Variants in POP1 observed in about 807,000 individuals in gnomAD.
POP1 encodes ribonucleases P/MRP protein subunit POP1.
POP1 carries 75 observed loss-of-function variants against 102.2 expected under a neutral mutation model. The observed-to-expected ratio is 0.73, with a 90% CI of 0.61 to 0.89. The LOEUF (loss-of-function observed/expected upper bound fraction) is 0.89. Ranked by LOEUF, POP1 falls within the 40% of genes least tolerant of loss-of-function variation. The pLI is 0.00. For synonymous variants in POP1, 436 were observed against 464.1 expected (o/e 0.94, Z 0.78); for missense variants, 1,116 against 1,267.4 (o/e 0.88, Z 1.81).
chr8:98,131,333 TA>T (rs1336840922), intron 5 of POP1, among the ~76,000 whole-genome samples: 1 of 152,226 alleles, frequency 6.6e-6, no homozygotes, highest in South Asian at 2.1e-4. Flanking sequence ...AGGTGCTTCA[TA>T]GGGGTGAAAT....
intron 11 of POP1, among the ~76,000 whole-genome samples, chr8:98,144,466 G>T (rs982606944): frequency 2.6e-5 from 4 of 151,872 alleles, no homozygotes; most frequent in East Asian, 3.9e-4. Flanking sequence ...GTAGAGACAG[G>T]GTCTCACTAA....
rs983844022 is a variant in POP1 at position 98,158,620 on chromosome 8, C to T, written c.*349C>T. 10 of 257,870 alleles carry T rather than the reference C, an allele frequency of 3.9e-5. No individual in the cohort carries two copies. The highest frequency in any genetic ancestry group is 3.1e-4 in the Admixed American group (6 of 19,562). 16.0% of individuals were successfully genotyped at this position (257,870 alleles called of 1,614,324 possible). A position where few individuals can be genotyped will look rare whatever the true frequency, so the allele number is the denominator to read the frequency against. On this transcript the variant is annotated 3_prime_UTR_variant, in exon 16 of 16. Coordinates refer to ENST00000401707, the MANE Select transcript of POP1 (RefSeq NM_001145860.2). ...GGGCTTGTCAGGTCTATTTGAAAAACCTCATAGTCATGTGATAAGCAACAA... is the reference window on the plus strand; with the variant it reads ...GGGCTTGTCAGGTCTATTTGAAAAATCTCATAGTCATGTGATAAGCAACAA...
Position 98,157,742 on chromosome 8 carries a change from T to C in POP1, c.2546T>C (p.Leu849Ser), listed in dbSNP as rs1809691352. Residue 849 changes from leucine to serine, a missense_variant, in exon 16 of 16, where the codon TTG becomes TCG. Physicochemically the swap from Leu to Ser is moderately radical, Grantham distance 145. Transcript: ENST00000401707. ...ACCAGAGAGGCTTGCCTGTCCATCTTGGGCCACTTCCCCAGGGCCCTGGTT... is the reference window on the plus strand; with the variant it reads ...ACCAGAGAGGCTTGCCTGTCCATCTCGGGCCACTTCCCCAGGGCCCTGGTT... ...GLTREACLSI[L>S]GHFPRALVWV... The C allele has an allele frequency of 6.2e-7, 1 of 1,614,068 alleles. No individual in the cohort carries two copies.
At position 98,128,421 on chromosome 8, in the gene POP1, A is replaced by T. The variant is rs1715462003; in HGVS notation, c.367A>T (p.Thr123Ser). 1.2e-6 allele frequency: 2 copies of T among 1,613,964 alleles called. No individual in the cohort carries two copies. Among genetic ancestry groups the T allele is most frequent in the Non-Finnish European group, 1.7e-6 (2 of 1,180,002 alleles). The change falls in exon 4 of 16, where the codon ACC becomes TCC. Residue 123 changes from threonine to serine, a missense_variant. Coordinates refer to ENST00000401707, the MANE Select transcript of POP1 (RefSeq NM_001145860.2). ...AEISAMLKAV[T>S]QKSSNSLVFQ... ...AATCAGTGCTATGTTAAAAGCTGTG[A>T]CCCAGAAGTCTTCGAATTCACTGGT...
At chr8:98,122,715 T>A (rs972205301) in intron 1 of POP1, among the ~76,000 whole-genome samples, 5 of 152,222 alleles carry the variant, frequency 3.3e-5, no homozygotes, top group African/African-American at 1.2e-4. Flanking sequence ...TATGTTACAT[T>A]TAGGGCATCT....
At chr8:98,145,710 A>T (rs1366698638) in intron 11 of POP1, among the ~76,000 whole-genome samples, 1 of 152,162 alleles carries the variant, frequency 6.6e-6, no homozygotes, top group Non-Finnish European at 1.5e-5. Context: ...GTTTAAGACC[A>T]GCCTAGCCAA....
At chr8:98,149,239 G>A (rs919535974) in intron 13 of POP1, among the ~76,000 whole-genome samples, 2 of 152,282 alleles carry the variant, frequency 1.3e-5, no homozygotes, top group Admixed American at 1.3e-4. Context: ...GGTTTTTAAA[G>A]TGGCCTGATA....
chr8:98,131,151 G>T (rs984167972), intron 5 of POP1, among the ~76,000 whole-genome samples: 1 of 152,238 alleles, frequency 6.6e-6, no homozygotes, highest in Admixed American at 6.5e-5. Flanking sequence ...CATTTTAAGT[G>T]TATAGTTCTG....
At chr8:98,122,943 T>C (rs1401041460) in intron 1 of POP1, among the ~76,000 whole-genome samples, 1 of 152,228 alleles carries the variant, frequency 6.6e-6, no homozygotes, top group East Asian at 1.9e-4. Context: ...AAATTAAATA[T>C]ATAGCTGGCA....
At chr8:98,129,852 T>C (rs970177149) in intron 4 of POP1, 126 bp from the exon 5 acceptor site, 2 of 1,113,932 alleles carry the variant, frequency 1.8e-6, no homozygotes, top group African/African-American at 3.1e-5. Flanking sequence ...GTTAACAATT[T>C]AAGCAAACTA....
chr8:98,136,380 A>C, intron 7 of POP1, 102 bp from the exon 8 acceptor site: 1 of 1,367,086 alleles, frequency 7.3e-7, no homozygotes, highest in East Asian at 2.5e-5. Context: ...CTGGCCAAAA[A>C]TGTTAATTTT....
At chr8:98,144,171 A>G (rs957535343) in intron 11 of POP1, among the ~76,000 whole-genome samples, 10 of 152,022 alleles carry the variant, frequency 6.6e-5, no homozygotes, top group Non-Finnish European at 1.0e-4. Flanking sequence ...AAAAAACCCA[A>G]AAATTTCCTC....
intron 13 of POP1, 52 bp from the exon 14 acceptor site, chr8:98,150,433 C>T: frequency 6.3e-7 from 1 of 1,598,088 alleles, no homozygotes; most frequent in Non-Finnish European, 8.6e-7. Flanking sequence ...AAACATTAAG[C>T]AATTCACTTT....
Position 98,130,158 on chromosome 8 carries a change from G to T in POP1, c.667G>T (p.Gly223Trp). 1 of 1,614,176 alleles carries T rather than the reference G, an allele frequency of 6.2e-7. No individual in the cohort carries two copies. Reference protein sequence around the residue: ...HMVKKWGYCLGERPTVKSHRA... With the variant: ...HMVKKWGYCLWERPTVKSHRA... ...GGTCAAGAAGTGGGGCTACTGCCTT[G>T]GGGAGAGGCCAACAGTCAAGAGCCA... Residue 223 changes from glycine to tryptophan, a missense_variant, in exon 5 of 16, where the codon GGG (glycine) becomes TGG (tryptophan). Coordinates refer to ENST00000401707, the MANE Select transcript of POP1 (RefSeq NM_001145860.2).
intron 5 of POP1, among the ~76,000 whole-genome samples, chr8:98,133,507 A>G (rs1192104153): frequency 6.6e-6 from 1 of 152,186 alleles, no homozygotes. Flanking sequence ...CAACCTGAGC[A>G]TAATTTTGCA....
intron 2 of POP1, 117 bp downstream of exon 2, chr8:98,123,596 G>A (rs1328821580): frequency 2.4e-6 from 2 of 824,858 alleles, no homozygotes; most frequent in African/African-American, 3.5e-5. Context: ...GGCCAACATG[G>A]TGAAACCCCG....
chr8:98,149,214 A>G (rs988417153), intron 13 of POP1, among the ~76,000 whole-genome samples: 1 of 152,200 alleles, frequency 6.6e-6, no homozygotes, highest in African/African-American at 2.4e-5. Flanking sequence ...GTGCTGACAT[A>G]TCGTCAATTG....
Position 98,134,638 on chromosome 8 carries a change from G to T in POP1, c.990G>T (p.Trp330Cys). ...DPSESRQLWI[W>C]LHPTLKQDIL... ...CTGAGAGCAGGCAGCTGTGGATCTG[G>T]CTGCATCCAACCCTTAAACAGGTAT... is the stretch of plus-strand genomic sequence containing the variant. The change falls in exon 7 of 16, where the codon TGG (tryptophan) becomes TGT (cysteine). Residue 330 changes from tryptophan (W) to cysteine (C), a missense_variant. By Grantham distance (215) the Trp-to-Cys change is radical. Coordinates refer to ENST00000401707, the MANE Select transcript of POP1 (RefSeq NM_001145860.2). 1 of 1,613,558 alleles carries T rather than the reference G, an allele frequency of 6.2e-7. No individual in the cohort carries two copies. The highest frequency in any genetic ancestry group is 8.5e-7 in the Non-Finnish European group (1 of 1,179,486).
chr8:98,133,718 G>A (rs189258835), intron 5 of POP1, among the ~76,000 whole-genome samples: 2 of 152,204 alleles, frequency 1.3e-5, no homozygotes, highest in East Asian at 1.9e-4. Flanking sequence ...ATTTTGGTTC[G>A]GGTTGGTTTA....
Sources: allele counts gnomAD v4.1 joint callset (sites outside exome capture counted in the v4.1 genomes callset), GRCh38; gene constraint gnomAD v4.1.1; transcripts MANE v1.5; gene names NCBI Gene and HGNC (gene_info 2026-07-23, HGNC 2026-07-21).